Variants in MCF2L observed in about 807,000 individuals in gnomAD.
MCF2L encodes MCF.2 cell line derived transforming sequence like, also known as guanine nucleotide exchange factor DBS.
A neutral mutation model predicts 153.4 loss-of-function variants in MCF2L; 97 were observed. The ratio of observed to expected loss-of-function variants is 0.63; its 90% CI spans 0.54 to 0.75. MCF2L has a LOEUF of 0.75. MCF2L is among the 30% of genes least tolerant of loss of function. MCF2L has a pLI of 0.00. For synonymous variants in MCF2L, 659 were observed against 632.2 expected (o/e 1.04, Z -0.64); for missense variants, 1,347 against 1,495.2 (o/e 0.90, Z 1.64).
intron 2 of MCF2L, among the ~76,000 whole-genome samples, chr13:112,922,635 C>A (rs973177580): frequency 6.9e-4 from 105 of 152,224 alleles, no homozygotes; most frequent in African/African-American, 2.4e-3. Flanking sequence ...GAGTTCAAGA[C>A]CAGCCTGGGC....
At chr13:112,925,088 C>T (rs979605973) in intron 2 of MCF2L, among the ~76,000 whole-genome samples, 7 of 152,162 alleles carry the variant, frequency 4.6e-5, no homozygotes, top group African/African-American at 1.7e-4. Context: ...CCAGATGGAC[C>T]TGTGATTTAA....
At position 112,969,383 on chromosome 13, in the gene MCF2L, A is replaced by G; in HGVS notation, c.4A>G (p.Arg2Gly). 1 of 1,550,092 alleles carries G rather than the reference A, an allele frequency of 6.5e-7. No homozygotes were observed. Among genetic ancestry groups the G allele is most frequent in the Non-Finnish European group, 8.7e-7 (1 of 1,146,684 alleles). ...ATCATTTTTGTTGTGTCGGAGGATG[A>G]GGTTTTGGCTGAGGACTGAAGAGAT... The part of the protein sequence containing the change: M[R>G]FWLRTEEMAL... The change falls in exon 1 of 30, where the codon AGG becomes GGG. Residue 2 changes from arginine to glycine, a missense_variant. Arg to Gly is a moderately radical substitution (Grantham distance 125). This residue lies in a region of MCF2L where 820 missense variants were observed against 921.2 expected (regional missense o/e 0.89). Transcript: ENST00000535094. This position sits in a 1 kb window ranked among gnomAD's most constrained non-coding sequence, Gnocchi z 4.8.
At chr13:112,923,738 A>G (rs968555981) in intron 2 of MCF2L, among the ~76,000 whole-genome samples, 3 of 152,182 alleles carry the variant, frequency 2.0e-5, no homozygotes, top group Non-Finnish European at 4.4e-5. Context: ...TTTTGTATGT[A>G]GATCCAGAGT....
rs567711869 is a variant in MCF2L at position 112,943,517 on chromosome 13, C to T, written c.169+41146C>T. On this transcript the variant is annotated intron_variant, in intron 2 of 29. Coordinates refer to the MCF2L transcript ENST00000375608. This position sits in a 1 kb window ranked among gnomAD's most constrained non-coding sequence, Gnocchi z 4.2. ...GAGAGACGGGCCGCTCTTCCCGGCGCGGTGCCTTCCAGGGAGGCTGCGCCT... is the reference window on the plus strand; with the variant it reads ...GAGAGACGGGCCGCTCTTCCCGGCGTGGTGCCTTCCAGGGAGGCTGCGCCT... Among the ~76,000 whole-genome samples the T allele has an allele frequency of 1.1e-4, 16 of 152,120 alleles. 1 individual carries two copies. The highest frequency in any genetic ancestry group is 1.3e-4 in the Non-Finnish European group (9 of 67,964).
At chr13:113,033,414 CGTGAGTGGCCCCCATGAT>C (rs1443142183) in intron 3 of MCF2L, among the ~76,000 whole-genome samples, 1,049 of 81,534 alleles carry the variant, frequency 0.013, 179 homozygotes, top group East Asian at 0.055. Context: ...GACCCCGTGG[CGTGAGTGGCCCCCATGAT>C]GTGAGTGGCC....
intron 2 of MCF2L, among the ~76,000 whole-genome samples, chr13:112,946,763 A>G (rs1176331138): frequency 6.6e-6 from 1 of 152,224 alleles, no homozygotes; most frequent in African/African-American, 2.4e-5. Flanking sequence ...CCGTGGCTTT[A>G]CTTTAGAAAC....
At chr13:112,963,901 G>T (rs917919360) in intron 2 of MCF2L, among the ~76,000 whole-genome samples, 1 of 152,212 alleles carries the variant, frequency 6.6e-6, no homozygotes, top group Admixed American at 6.5e-5. Context: ...GCACGGCCAC[G>T]CCAACCACCC....
intron 1 of MCF2L, among the ~76,000 whole-genome samples, chr13:112,990,963 A>G (rs1371597492): frequency 6.6e-6 from 1 of 152,224 alleles, no homozygotes; most frequent in Admixed American, 6.5e-5. Flanking sequence ...CAGCCATGTG[A>G]CAGTAAACTA....
chr13:113,044,264 G>A (rs915846314), intron 3 of MCF2L: 8 of 266,584 alleles, frequency 3.0e-5, no homozygotes, highest in East Asian at 2.5e-4. Context: ...GGACACAGAC[G>A]CAGCAGCACC....
At chr13:113,073,204 A>G (rs1566843106) in intron 9 of MCF2L, among the ~76,000 whole-genome samples, 1 of 152,244 alleles carries the variant, frequency 6.6e-6, no homozygotes, top group East Asian at 1.9e-4. Context: ...TTCTGTTCTT[A>G]TAAATGTGTT....
In MCF2L at chr13:113,070,746, C is replaced by T. The variant is rs2032832184; in HGVS notation, c.996+573C>T. On this transcript the variant is annotated intron_variant, in intron 9 of 29. Coordinates refer to ENST00000535094, the MANE Select transcript of MCF2L (RefSeq NM_001112732.3). This position sits in a 1 kb window ranked among gnomAD's most constrained non-coding sequence, Gnocchi z 5.6. ...TCGGGATTTGTTTGTTTGCTCAGCA[C>T]AGCTCTCTGCAGACCCCCAGGTGCC... Among the ~76,000 whole-genome samples the T allele has an allele frequency of 6.6e-6, 1 of 152,248 alleles. No homozygotes were observed. The highest frequency in any genetic ancestry group is 1.5e-5 in the Non-Finnish European group (1 of 68,050).
chr13:113,009,471 C>T (rs1405633489), intron 1 of MCF2L: 1 of 152,224 alleles, frequency 6.6e-6, no homozygotes, highest in Non-Finnish European at 1.5e-5. Flanking sequence ...CCTTAAACAT[C>T]GGGAATGCAA....
At position 113,077,773 on chromosome 13, in the gene MCF2L, G is replaced by A. The variant is rs576112444; in HGVS notation, c.1660+562G>A. Among the ~76,000 whole-genome samples, 36 of 152,278 alleles carry A rather than the reference G, an allele frequency of 2.4e-4. No individual in the cohort carries two copies. In the East Asian group the frequency reaches 6.0e-3, roughly 25 times the overall value. ...TCCCAGAGACTTTCCCGCCACCTCT[G>A]TGTCTCAAAACGAACCCTCTTCCCA... On this transcript the variant is annotated intron_variant, in intron 13 of 29. Coordinates refer to ENST00000535094, the MANE Select transcript of MCF2L (RefSeq NM_001112732.3).
At chr13:113,093,553 A>T (rs1218629506) in intron 26 of MCF2L, 3 of 151,066 alleles carry the variant, frequency 2.0e-5, no homozygotes, top group South Asian at 2.1e-4. Context: ...CAGGGCACAC[A>T]GGCATCCGTG....
intron 9 of MCF2L, among the ~76,000 whole-genome samples, chr13:113,072,511 G>C (rs1019070780): frequency 6.6e-6 from 1 of 152,156 alleles, no homozygotes; most frequent in Non-Finnish European, 1.5e-5. Context: ...AAAACTATCT[G>C]GGCCTAGAGA....
intron 5 of MCF2L, among the ~76,000 whole-genome samples, chr13:113,063,575 T>C (rs2031891769): frequency 6.6e-6 from 1 of 152,172 alleles, no homozygotes; most frequent in Admixed American, 6.5e-5. Context: ...TAGGCTTGGC[T>C]TTGCAAGCAG....
At chr13:113,094,212 T>G (rs1445401938) in intron 26 of MCF2L, 3 of 209,476 alleles carry the variant, frequency 1.4e-5, no homozygotes, top group Non-Finnish European at 1.9e-5. Context: ...CCCTCCTGGC[T>G]GAGGGGCACT....
At chr13:113,002,243 G>A (rs2083425290) in intron 1 of MCF2L, among the ~76,000 whole-genome samples, 1 of 152,230 alleles carries the variant, frequency 6.6e-6, no homozygotes, top group Non-Finnish European at 1.5e-5. Flanking sequence ...TGGGGTCCCT[G>A]GTGAGCAGTG....
At chr13:112,901,733 G>A (rs4907557) in intron 1 of MCF2L, among the ~76,000 whole-genome samples, 117,536 of 152,192 alleles carry the variant, frequency 0.77, 45,617 homozygotes, top group East Asian at 0.91. Flanking sequence ...TAAAGTTTCT[G>A]GAACTCGGAG....
Sources: allele counts gnomAD v4.1 joint callset (sites outside exome capture counted in the v4.1 genomes callset), GRCh38; gene constraint gnomAD v4.1.1; regional missense constraint gnomAD v4.1.1; non-coding constraint Gnocchi (gnomAD v3.1); transcripts MANE v1.5; gene names NCBI Gene and HGNC (gene_info 2026-07-23, HGNC 2026-07-21).